Variants in TNS1 observed in about 807,000 individuals in gnomAD.
TNS1 encodes tensin-1.
A neutral mutation model predicts 168.6 loss-of-function variants in TNS1; 62 were observed. That is an observed-to-expected ratio of 0.37 (90% CI 0.30 to 0.45). The LOEUF is 0.45. Ranked by LOEUF, TNS1 falls within the 20% of genes least tolerant of loss-of-function variation. TNS1 has a pLI of 1.00. For missense variants in TNS1, 2,240 were observed against 2,339.4 expected (o/e 0.96, Z 0.88); for synonymous variants, 934 against 933.2 (o/e 1.00, Z -0.02).
intron 3 of TNS1, among the ~76,000 whole-genome samples, chr2:217,975,756 A>C (rs1957878665): frequency 6.6e-6 from 1 of 152,148 alleles, no homozygotes; most frequent in Admixed American, 6.5e-5. Context: ...TGGCTCAGCG[A>C]GGCTCCAGCT....
intron 24 of TNS1, 142 bp from the exon 25 acceptor site, chr2:217,815,140 G>A (rs1409064002): frequency 1.5e-6 from 1 of 666,604 alleles, no homozygotes; most frequent in Non-Finnish European, 2.7e-6. Flanking sequence ...ATTAAGATGA[G>A]GTCACACAGG....
In TNS1 at chr2:217,840,611, G is replaced by A. The variant is rs111651237; in HGVS notation, c.3008-4400C>T. 6.6e-4 allele frequency among the ~76,000 whole-genome samples: 101 copies of A among 152,348 alleles called. 1 individual carries two copies. Among genetic ancestry groups the A allele is most frequent in the East Asian group, 3.9e-3 (20 of 5,172 alleles). On this transcript the variant is annotated intron_variant, in intron 19 of 32. Coordinates refer to ENST00000682258, the MANE Select transcript of TNS1 (RefSeq NM_001387777.1). The stretch of plus-strand genomic sequence containing the variant: ...TTAGGAGTGGGACCAGAGGGGGTAC[G>A]CTGTCCCCAGGGTGTGCCATGCTCT...
At position 217,884,300 on chromosome 2, in the gene TNS1, T is replaced by C. The variant is rs181896441; in HGVS notation, c.1246+735A>G. On this transcript the variant is annotated intron_variant, in intron 16 of 32. Coordinates refer to ENST00000682258, the MANE Select transcript of TNS1 (RefSeq NM_001387777.1). ...ATGGGTGGGTGGATGGATGGACAGA[T>C]GGATGGACAGACGGATGGATGAATG... is the stretch of plus-strand genomic sequence containing the variant. Among the ~76,000 whole-genome samples, 264 of 152,016 alleles carry C rather than the reference T, an allele frequency of 1.7e-3. 2 individuals carry two copies. Among genetic ancestry groups the C allele is most frequent in the African/African-American group, 5.9e-3 (244 of 41,448 alleles).
chr2:217,828,453 G>A (rs902183635), intron 22 of TNS1, among the ~76,000 whole-genome samples: 1 of 152,230 alleles, frequency 6.6e-6, no homozygotes, highest in Non-Finnish European at 1.5e-5. Flanking sequence ...CCAGGGCCCA[G>A]GTGGGAAGTC....
chr2:217,872,950 G>C (rs79134144), intron 18 of TNS1, among the ~76,000 whole-genome samples: 2,770 of 152,280 alleles, frequency 0.018, 93 homozygotes, highest in African/African-American at 0.063. Flanking sequence ...ACCACATATT[G>C]TATCACTCCA....
chr2:217,875,337 C>T (rs988442144), intron 18 of TNS1, among the ~76,000 whole-genome samples: 8 of 152,190 alleles, frequency 5.3e-5, no homozygotes, highest in African/African-American at 1.9e-4. Context: ...CATGCTCCTT[C>T]CTGCTCTAAG....
chr2:218,014,126 G>T (rs969417161), upstream of TNS1, among the ~76,000 whole-genome samples: 1 of 152,236 alleles, frequency 6.6e-6, no homozygotes, highest in Non-Finnish European at 1.5e-5. Context: ...TCCCTGGCTG[G>T]TTTTGTCTGC....
At chr2:217,840,455 T>C (rs537661987) in intron 19 of TNS1, among the ~76,000 whole-genome samples, 1 of 152,258 alleles carries the variant, frequency 6.6e-6, no homozygotes, top group African/African-American at 2.4e-5. Flanking sequence ...AGGACTATCA[T>C]CTGTCCACTT....
chr2:218,003,065 C>T (rs532194861), upstream of TNS1: 6 of 398,256 alleles, frequency 1.5e-5, no homozygotes, highest in South Asian at 3.7e-5. Context: ...CTCCACCCCT[C>T]GTCCCAGCCT....
upstream of TNS1, among the ~76,000 whole-genome samples, chr2:218,003,206 C>T (rs368543356): frequency 1.3e-5 from 2 of 151,724 alleles, no homozygotes; most frequent in African/African-American, 4.8e-5. Flanking sequence ...CCGTGCCCCC[C>T]ACCCCCGGAC....
chr2:217,990,838 A>C, intron 2 of TNS1, 104 bp downstream of exon 2: 1 of 289,432 alleles, frequency 3.5e-6, no homozygotes, highest in Non-Finnish European at 6.6e-6. Flanking sequence ...TCAGGTTGGG[A>C]CCCCAAGGAT....
Position 217,907,248 on chromosome 2 carries a change from T to A in TNS1, c.232A>T (p.Ile78Phe), listed in dbSNP as rs1020450611. Residue 78 changes from isoleucine to phenylalanine, a missense_variant, in exon 5 of 33, where the codon ATC (isoleucine) becomes TTC (phenylalanine). Physicochemically the swap from Ile to Phe is conservative, Grantham distance 21. Coordinates refer to ENST00000682258, the MANE Select transcript of TNS1 (RefSeq NM_001387777.1). ...VPPSNHELVP[I>F]TTENAPKNVV... ...TTCTTTGGTGCATTCTCAGTGGTGA[T>A]GGGCTGTGGACAGAAGGAGAAACAG... 3 of 703,130 alleles carry A rather than the reference T, an allele frequency of 4.3e-6. No individual in the cohort carries two copies. Among genetic ancestry groups the A allele is most frequent in the South Asian group, 3.0e-5 (2 of 67,590 alleles). The allele number at this position is 703,130 out of a possible 1,614,324, so 43.6% of individuals were successfully genotyped here.
upstream of TNS1, chr2:218,003,105 C>A: frequency 2.7e-6 from 1 of 373,436 alleles, no homozygotes; most frequent in South Asian, 1.9e-5. Flanking sequence ...CAGGCTCCAC[C>A]GGTGGCCTTG....
intron 3 of TNS1, among the ~76,000 whole-genome samples, chr2:217,958,003 T>A (rs1399307843): frequency 2.7e-5 from 4 of 145,738 alleles, no homozygotes; most frequent in African/African-American, 1.0e-4. Flanking sequence ...AATAAAGAAT[T>A]CACACACACA....
Position 217,818,346 on chromosome 2 carries a change from A to C in TNS1, c.3986T>G (p.Phe1329Cys), listed in dbSNP as rs777264422. ...HQMMGPPGTG[F>C]HGSTVSSPQS... ...GGGGCTGGAGACAGTGCTACCATGGAAGCCAGTGCCTGGTGGACCCATCAT... is the reference window on the plus strand; with the variant it reads ...GGGGCTGGAGACAGTGCTACCATGGCAGCCAGTGCCTGGTGGACCCATCAT... The change falls in exon 24 of 33, where the codon TTC becomes TGC. Residue 1329 changes from phenylalanine to cysteine, a missense_variant. Physicochemically the swap from Phe to Cys is radical, Grantham distance 205. Around this residue, in one of 2 missense-constraint regions of TNS1, gnomAD observed 2,131 missense variants for 2,171.2 expected, o/e 0.98. Transcript: ENST00000682258. 6.2e-7 allele frequency: 1 copy of C among 1,614,132 alleles called. No homozygotes were observed. The highest frequency in any genetic ancestry group is 1.1e-5 in the South Asian group (1 of 91,076).
chr2:217,966,921 T>C (rs976077430), intron 3 of TNS1, among the ~76,000 whole-genome samples: 1 of 152,190 alleles, frequency 6.6e-6, no homozygotes, highest in African/African-American at 2.4e-5. Flanking sequence ...TTCCCTTCAA[T>C]GGCTCATCTG....
At chr2:217,978,206 C>T (rs924930460) in intron 3 of TNS1, among the ~76,000 whole-genome samples, 1 of 152,132 alleles carries the variant, frequency 6.6e-6, no homozygotes, top group Non-Finnish European at 1.5e-5. Context: ...AAATTGAGGA[C>T]CAAAAGAAGA....
At chr2:217,805,522 A>ACC (rs1938556912) in intron 32 of TNS1, among the ~76,000 whole-genome samples, 1 of 3,114 alleles carries the variant, frequency 3.2e-4, no homozygotes, top group Non-Finnish European at 1.1e-3. Flanking sequence ...CACACCACAC[A>ACC]CACCACACAC....
chr2:217,826,359 T>G (rs996341891), intron 22 of TNS1, among the ~76,000 whole-genome samples: 1 of 152,170 alleles, frequency 6.6e-6, no homozygotes, highest in African/African-American at 2.4e-5. Flanking sequence ...TTCTGTTTAT[T>G]CCCTGGCTCT....
Sources: allele counts gnomAD v4.1 joint callset (sites outside exome capture counted in the v4.1 genomes callset), GRCh38; gene constraint gnomAD v4.1.1; regional missense constraint gnomAD v4.1.1; transcripts MANE v1.5; gene names NCBI Gene and HGNC (gene_info 2026-07-23, HGNC 2026-07-21).